The following SMYD2 variants were observed in gnomAD, a reference collection of about 807,000 sequenced individuals.
SMYD2 encodes SET and MYND domain containing 2, also known as N-lysine methyltransferase SMYD2.
A neutral mutation model predicts 59.1 loss-of-function variants in SMYD2; 53 were observed. The ratio of observed to expected loss-of-function variants is 0.90; its 90% CI spans 0.72 to 1.13. SMYD2 has a LOEUF of 1.13. SMYD2 is among the 50% of genes most tolerant of loss of function. The probability of loss-of-function intolerance (pLI) is 0.00; values close to 1 mark genes in which losing one functional copy is unlikely to be tolerated. For missense variants in SMYD2, 494 were observed against 544.7 expected, an observed-to-expected ratio of 0.91 and a Z score of 0.93; for synonymous variants, 208 against 198.8, an observed-to-expected ratio of 1.05 and a Z score of -0.39.
intron 2 of SMYD2, among the ~76,000 whole-genome samples, chr1:214,311,159 C>G (rs1656993363): frequency 6.6e-6 from 1 of 152,178 alleles, no homozygotes; most frequent in African/African-American, 2.4e-5. Flanking sequence ...TGCTTGAAGT[C>G]AAAGACTTCA....
intron 1 of SMYD2, among the ~76,000 whole-genome samples, chr1:214,303,689 TAGG>T (rs1656862314): frequency 1.3e-5 from 2 of 152,196 alleles, no homozygotes; most frequent in African/African-American, 2.4e-5. Context: ...CTTAATTCTG[TAGG>T]AGGAGTGTGG....
chr1:214,329,089 A>G (rs1657309028), intron 7 of SMYD2, among the ~76,000 whole-genome samples: 2 of 152,192 alleles, frequency 1.3e-5, no homozygotes, highest in African/African-American at 4.8e-5. Flanking sequence ...GGTGTGAGGC[A>G]GGGCAGGGGT....
chr1:214,281,164 G>C lies in SMYD2; in HGVS notation c.-91G>C. On this transcript the variant is annotated 5_prime_UTR_variant, in exon 1 of 12. Transcript: ENST00000366957. The stretch of plus-strand genomic sequence containing the variant: ...GCGTCCGCCGGGCGGCTCCCACCCC[G>C]CCCCCCGCAGCTCTAGGTGACGCGT... 2 of 961,816 alleles carry C rather than the reference G, an allele frequency of 2.1e-6. No individual in the cohort carries two copies. The highest frequency in any genetic ancestry group is 3.9e-5 in the East Asian group (1 of 25,904). 59.6% of individuals were successfully genotyped at this position (961,816 alleles called of 1,614,324 possible). A position where few individuals can be genotyped will look rare whatever the true frequency, so the allele number is the denominator to read the frequency against.
At chr1:214,282,420 G>A (rs974789125) in intron 1 of SMYD2, among the ~76,000 whole-genome samples, 1 of 152,182 alleles carries the variant, frequency 6.6e-6, no homozygotes, top group Admixed American at 6.5e-5. Flanking sequence ...CAGGAGGCAT[G>A]GCATTGGGGT....
chr1:214,319,950 C>T (rs1357537230), intron 5 of SMYD2, among the ~76,000 whole-genome samples: 1 of 152,202 alleles, frequency 6.6e-6, no homozygotes, highest in East Asian at 1.9e-4. Flanking sequence ...ACTCTGTTTG[C>T]AGGAATCTGT....
chr1:214,315,276 G>A (rs1359322188), intron 3 of SMYD2, among the ~76,000 whole-genome samples: 1 of 152,196 alleles, frequency 6.6e-6, no homozygotes, highest in Non-Finnish European at 1.5e-5. Context: ...CCTTTCCTGT[G>A]TAATATTCTG....
chr1:214,285,800 C>T (rs547002072), intron 1 of SMYD2, among the ~76,000 whole-genome samples: 2 of 152,286 alleles, frequency 1.3e-5, no homozygotes, highest in African/African-American at 4.8e-5. Flanking sequence ...TTACACAAAG[C>T]TACGTGAGAG....
chr1:214,336,817 C>CTTAGT lies in SMYD2; in HGVS notation c.*35_*39dup, dbSNP rs1180874231. 3.2e-6 allele frequency: 5 copies of CTTAGT among 1,572,996 alleles called. No homozygotes were observed. The highest frequency in any genetic ancestry group is 4.4e-6 in the Non-Finnish European group (5 of 1,147,508). ...CAGCATTTCAGTTTTCATTTAAACACTTAGTTCAGAAACCTTAAAGGATTT... is the reference window on the plus strand; with the variant it reads ...CAGCATTTCAGTTTTCATTTAAACACTTAGTTTAGTTCAGAAACCTTAAAGGATTT... On this transcript the variant is annotated 3_prime_UTR_variant, in exon 12 of 12. Coordinates refer to ENST00000366957, the MANE Select transcript of SMYD2 (RefSeq NM_020197.3).
At position 214,284,186 on chromosome 1, in the gene SMYD2, T is replaced by G. The variant is rs139619217; in HGVS notation, c.173+2759T>G. ...CCCTATCAGACTTCTCAGATACACT[T>G]TATACACACATACACACATAAATGC... On this transcript the variant is annotated intron_variant, in intron 1 of 11. Coordinates refer to ENST00000366957, the MANE Select transcript of SMYD2 (RefSeq NM_020197.3). Among the ~76,000 whole-genome samples, 276 of 152,000 alleles carry G rather than the reference T, an allele frequency of 1.8e-3. 1 individual carries two copies. Among genetic ancestry groups the G allele is most frequent in the African/African-American group, 6.3e-3 (260 of 41,450 alleles).
At chr1:214,332,915 G>A (rs1657378801) in intron 10 of SMYD2, 1 of 152,138 alleles carries the variant, frequency 6.6e-6, no homozygotes, top group Admixed American at 6.5e-5. Context: ...AACACCAAGT[G>A]GGCCAAGTGA....
chr1:214,302,070 G>T (rs188342456), intron 1 of SMYD2, among the ~76,000 whole-genome samples: 2 of 152,258 alleles, frequency 1.3e-5, no homozygotes, highest in South Asian at 4.1e-4. Context: ...AGCCAGGCGC[G>T]GTATCTCACG....
intron 2 of SMYD2, among the ~76,000 whole-genome samples, chr1:214,308,856 T>G (rs1656955743): frequency 6.6e-6 from 1 of 152,148 alleles, no homozygotes; most frequent in Non-Finnish European, 1.5e-5. Flanking sequence ...CTTTCACCCC[T>G]TTACAGTAGT....
At chr1:214,326,217 A>G (rs899047196) in intron 6 of SMYD2, among the ~76,000 whole-genome samples, 3 of 148,024 alleles carry the variant, frequency 2.0e-5, no homozygotes, top group African/African-American at 7.5e-5. Context: ...CAGCCTGGAC[A>G]ACAAACCGAG....
chr1:214,307,997 G>A (rs139095365), intron 2 of SMYD2, among the ~76,000 whole-genome samples: 29 of 152,328 alleles, frequency 1.9e-4, no homozygotes, highest in Admixed American at 8.5e-4. Context: ...AAACAGTTAC[G>A]GGATTCTACT....
At chr1:214,282,911 C>T (rs36038181) in intron 1 of SMYD2, among the ~76,000 whole-genome samples, 10,349 of 152,160 alleles carry the variant, frequency 0.068, 429 homozygotes, top group African/African-American at 0.11. Context: ...CTTGCTGTGG[C>T]TCGGAGTCTG....
chr1:214,284,793 G>A (rs1656509848), intron 1 of SMYD2, among the ~76,000 whole-genome samples: 1 of 152,202 alleles, frequency 6.6e-6, no homozygotes, highest in East Asian at 1.9e-4. Context: ...TAGGATTACA[G>A]GCGTGAGCCA....
intron 3 of SMYD2, 73 bp downstream of exon 3, chr1:214,314,945 G>T: frequency 8.7e-7 from 1 of 1,143,510 alleles, no homozygotes; most frequent in South Asian, 1.3e-5. Flanking sequence ...ATGAGTAACT[G>T]ACCTTTGGTA....
intron 1 of SMYD2, among the ~76,000 whole-genome samples, 165 bp downstream of exon 1, chr1:214,281,592 C>A (rs1175293777): frequency 1.7e-4 from 26 of 152,072 alleles, no homozygotes; most frequent in Admixed American, 1.4e-3. Flanking sequence ...CGGCCCCGCG[C>A]TGCAGCCCCA....
chr1:214,322,879 C>G (rs144825427), intron 5 of SMYD2, among the ~76,000 whole-genome samples: 1 of 152,266 alleles, frequency 6.6e-6, no homozygotes, highest in East Asian at 1.9e-4. Context: ...ATCTGAAGTA[C>G]CTAGCACAGT....
Sources: gnomAD v4.1 joint callset for allele counts (sites outside exome capture counted in the v4.1 genomes callset) on GRCh38, gnomAD v4.1.1 for gene constraint, MANE v1.5 for transcripts, NCBI Gene and HGNC (gene_info 2026-07-23, HGNC 2026-07-21) for gene names.